SCARA3: variants seen among roughly 807,000 people sequenced by gnomAD.
SCARA3 encodes the protein cellular stress response gene protein.
In SCARA3, 39 loss-of-function variants were observed where a neutral mutation model predicts 47.0. The ratio of observed to expected loss-of-function variants is 0.83; its 90% confidence interval spans 0.64 to 1.08. SCARA3 has a LOEUF of 1.08. Among genes scored for constraint, SCARA3 ranks in the 50% least tolerant of loss-of-function variants. SCARA3 has a pLI of 0.00. For synonymous variants in SCARA3, 356 were observed against 334.1 expected (o/e 1.07, Z -0.71); for missense variants, 724 against 792.3 (o/e 0.91, Z 1.04).
the SCARA3 span, among the ~76,000 whole-genome samples, chr8:27,687,613 G>A: frequency 6.6e-6 from 1 of 152,196 alleles, no homozygotes; most frequent in East Asian, 1.9e-4. Context: ...ATTCAACACT[G>A]AACTGGAGGT....
chr8:27,661,744 C>T (rs1266547398), intron 5 of SCARA3, among the ~76,000 whole-genome samples: 1 of 152,182 alleles, frequency 6.6e-6, no homozygotes, highest in Non-Finnish European at 1.5e-5. Flanking sequence ...CTCATCTGGT[C>T]CTGGCTCTTT....
At chr8:27,646,217 TCC>T (rs1237317445) in intron 1 of SCARA3, among the ~76,000 whole-genome samples, 1 of 151,890 alleles carries the variant, frequency 6.6e-6, no homozygotes, top group African/African-American at 2.4e-5. Flanking sequence ...ACACCCGTGG[TCC>T]CCCTAGTCTA....
At chr8:27,703,405 A>T in the SCARA3 span, 1 of 152,580 alleles carries the variant, frequency 6.6e-6, no homozygotes, top group East Asian at 1.9e-4. Context: ...GTGAAAGCTG[A>T]GAAGTCAGGG....
the SCARA3 span, among the ~76,000 whole-genome samples, chr8:27,688,187 T>C: frequency 3.9e-5 from 6 of 152,308 alleles, no homozygotes; most frequent in South Asian, 1.2e-3. Flanking sequence ...TGAAAAATGA[T>C]AAACAGAACA....
chr8:27,696,474 G>T, the SCARA3 span, among the ~76,000 whole-genome samples: 2 of 151,056 alleles, frequency 1.3e-5, no homozygotes, highest in Non-Finnish European at 3.0e-5. Flanking sequence ...AATTTTTTTG[G>T]AGACAGAGTC....
chr8:27,671,203 C>G lies in SCARA3; in HGVS notation c.1673C>G (p.Ser558Ter). Residue 558 changes from serine to a stop codon, truncating the protein, a stop_gained, in exon 6 of 6, where the codon TCA (serine) becomes TGA (stop). Coordinates refer to ENST00000301904, the MANE Select transcript of SCARA3 (RefSeq NM_016240.3). LOFTEE classifies it high-confidence loss of function. ...PEGPPGSPGP[S>*]GPQGKPGIAG... ...GGGCCCCCGGGGTCTCCAGGGCCCT[C>G]AGGGCCTCAGGGAAAACCGGGAATT... The G allele has an allele frequency of 6.6e-7, 1 of 1,509,614 alleles. No homozygotes were observed. Among genetic ancestry groups the G allele is most frequent in the Non-Finnish European group, 8.8e-7 (1 of 1,134,214 alleles). 93.5% of individuals were successfully genotyped at this position (1,509,614 alleles called of 1,614,324 possible). A position where few individuals can be genotyped will look rare whatever the true frequency, so the allele number is the denominator to read the frequency against.
the SCARA3 span, among the ~76,000 whole-genome samples, chr8:27,722,887 G>A: frequency 1.2e-4 from 19 of 152,020 alleles, no homozygotes; most frequent in Non-Finnish European, 1.9e-4. Context: ...TAGTGACCCC[G>A]GCACCAGGTC....
chr8:27,634,277 GGGCGCCTTTTCTGCA>G (rs1265279862), intron 1 of SCARA3, 70 bp downstream of exon 1: 1 of 1,271,418 alleles, frequency 7.9e-7, no homozygotes, highest in African/African-American at 1.5e-5. Flanking sequence ...AGGGCCTGGG[GGGCGCCTTTTCTGCA>G]GGCGAGGCTG....
chr8:27,683,653 C>A, the SCARA3 span, among the ~76,000 whole-genome samples: 1 of 152,008 alleles, frequency 6.6e-6, no homozygotes, highest in Non-Finnish European at 1.5e-5. Flanking sequence ...TAGGTATTTG[C>A]CCAAGAGAAA....
intron 3 of SCARA3, 94 bp from the exon 4 acceptor site, chr8:27,656,688 T>A (rs1801750692): frequency 1.3e-6 from 1 of 794,162 alleles, no homozygotes; most frequent in Non-Finnish European, 2.2e-6. Context: ...AGGTTTTGGT[T>A]GCAGAGGAGC....
intron 5 of SCARA3, among the ~76,000 whole-genome samples, chr8:27,666,817 C>T (rs941076982): frequency 6.6e-6 from 1 of 152,224 alleles, no homozygotes; most frequent in Admixed American, 6.5e-5. Context: ...CTGCTCACCC[C>T]ACCCCCTCCT....
chr8:27,676,526 CTATTAAA>C, downstream of SCARA3: 1 of 1,606,150 alleles, frequency 6.2e-7, no homozygotes, highest in Non-Finnish European at 8.5e-7. Context: ...GAGGAACAAA[CTATTAAA>C]TATTAGAACA....
Position 27,672,475 on chromosome 8 carries a change from T to C in SCARA3, c.*1124T>C. On this transcript the variant is annotated 3_prime_UTR_variant, in exon 6 of 6. Coordinates refer to ENST00000301904, the MANE Select transcript of SCARA3 (RefSeq NM_016240.3). ...TCTGGAGTGGTGGGGAGGATTAGGC[T>C]GCAGAAGGGCCAACCCCTTGCAACA... is the stretch of plus-strand genomic sequence containing the variant. 1.0e-6 allele frequency: 1 copy of C among 985,634 alleles called. No individual in the cohort carries two copies. Among genetic ancestry groups the C allele is most frequent in the Non-Finnish European group, 1.2e-6 (1 of 830,102 alleles). 61.1% of individuals were successfully genotyped at this position (985,634 alleles called of 1,614,324 possible). A position where few individuals can be genotyped will look rare whatever the true frequency, so the allele number is the denominator to read the frequency against.
chr8:27,684,572 G>T, the SCARA3 span, among the ~76,000 whole-genome samples: 1 of 151,666 alleles, frequency 6.6e-6, no homozygotes, highest in Non-Finnish European at 1.5e-5. Flanking sequence ...TATAGTCCCA[G>T]CTACTTGGGA....
intron 1 of SCARA3, among the ~76,000 whole-genome samples, chr8:27,640,201 A>G (rs1248968901): frequency 1.3e-5 from 2 of 152,188 alleles, no homozygotes; most frequent in Non-Finnish European, 2.9e-5. Context: ...TTTTTATAAC[A>G]CATTTATTAT....
At chr8:27,716,539 A>G in the SCARA3 span, among the ~76,000 whole-genome samples, 1 of 152,202 alleles carries the variant, frequency 6.6e-6, no homozygotes, top group South Asian at 2.1e-4. Flanking sequence ...TCAAAAATTC[A>G]TTGGATGAAA....
intron 2 of SCARA3, among the ~76,000 whole-genome samples, chr8:27,650,334 G>T (rs932837632): frequency 2.6e-5 from 4 of 152,008 alleles, no homozygotes; most frequent in African/African-American, 9.7e-5. Context: ...TGTCTCCTGG[G>T]GTCCTCCCGA....
the SCARA3 span, among the ~76,000 whole-genome samples, chr8:27,714,561 A>G: frequency 6.6e-6 from 1 of 152,148 alleles, no homozygotes; most frequent in Admixed American, 6.5e-5. Context: ...ATGGCTTTAT[A>G]AAGTGTCTGT....
chr8:27,636,203 CGG>C (rs1361878484), intron 1 of SCARA3, among the ~76,000 whole-genome samples: 1 of 152,188 alleles, frequency 6.6e-6, no homozygotes, highest in Non-Finnish European at 1.5e-5. Context: ...ACATCTTACA[CGG>C]GGCCACACTG....
Sources: allele counts gnomAD v4.1 joint callset (sites outside exome capture counted in the v4.1 genomes callset), GRCh38; gene constraint gnomAD v4.1.1; transcripts MANE v1.5; gene names NCBI Gene and HGNC (gene_info 2026-07-23, HGNC 2026-07-21).